KCNH7: variants seen among roughly 807,000 people sequenced by gnomAD.
The protein encoded by KCNH7 is voltage-gated inwardly rectifying potassium channel KCNH7.
In KCNH7, 49 loss-of-function variants were observed where a neutral mutation model predicts 120.8. That is an observed-to-expected ratio of 0.41 (90% CI 0.32 to 0.51). KCNH7 has a LOEUF of 0.51. KCNH7 is among the 20% of genes least tolerant of loss of function. The pLI is 0.38. For synonymous variants in KCNH7, 547 were observed against 516.1 expected, an observed-to-expected ratio of 1.06 and a Z score of -0.81; for missense variants, 1,097 against 1,446.6, an observed-to-expected ratio of 0.76 and a Z score of 3.92.
In KCNH7 at chr2:162,542,248, T is replaced by TTTA. The variant is rs753436221; in HGVS notation, c.308-5171_308-5169dup. Among the ~76,000 whole-genome samples, 95 of 151,234 alleles carry TTTA rather than the reference T, an allele frequency of 6.3e-4. 1 individual carries two copies. The highest frequency in any genetic ancestry group is 3.2e-3 in the Admixed American group (49 of 15,150). ...TTTTTTTTTCTTTGATGAGCTTCTTTTTATTATTATTATTATTATACTTTA... is the reference window on the plus strand; with the variant it reads ...TTTTTTTTTCTTTGATGAGCTTCTTTTTATTATTATTATTATTATTATACTTTA... On this transcript the variant is annotated intron_variant, in intron 2 of 15. Coordinates refer to ENST00000332142, the MANE Select transcript of KCNH7 (RefSeq NM_033272.4).
chr2:162,536,410 A>G (rs1559000685), intron 3 of KCNH7, among the ~76,000 whole-genome samples: 1 of 152,000 alleles, frequency 6.6e-6, no homozygotes, highest in African/African-American at 2.4e-5. Context: ...TAATGACAAT[A>G]GTTGAGAAAA....
At chr2:162,776,432 T>A (rs1467909188) in intron 2 of KCNH7, among the ~76,000 whole-genome samples, 2 of 152,092 alleles carry the variant, frequency 1.3e-5, no homozygotes, top group Non-Finnish European at 2.9e-5. Flanking sequence ...CATATTGATT[T>A]GAAGACTGTA....
chr2:162,574,576 T>G (rs991254053), intron 2 of KCNH7, among the ~76,000 whole-genome samples: 8 of 152,100 alleles, frequency 5.3e-5, no homozygotes, highest in Non-Finnish European at 1.2e-4. Flanking sequence ...CAAGAGTTTT[T>G]GGGTTTTCAT....
intron 6 of KCNH7, among the ~76,000 whole-genome samples, chr2:162,471,058 A>T (rs908265734): frequency 6.6e-6 from 1 of 152,024 alleles, no homozygotes; most frequent in Non-Finnish European, 1.5e-5. Flanking sequence ...CATGCTTGTT[A>T]AGAGTCATCA....
At chr2:162,550,017 A>G (rs1364554688) in intron 2 of KCNH7, among the ~76,000 whole-genome samples, 1 of 152,206 alleles carries the variant, frequency 6.6e-6, no homozygotes, top group Non-Finnish European at 1.5e-5. Flanking sequence ...TGCGTGGAGT[A>G]TATGGAAGGC....
intron 8 of KCNH7, among the ~76,000 whole-genome samples, chr2:162,431,237 A>T (rs1688055861): frequency 6.6e-6 from 1 of 152,042 alleles, no homozygotes; most frequent in African/African-American, 2.4e-5. Flanking sequence ...TAGAATAAAG[A>T]TTAGAGTTAA....
intron 7 of KCNH7, among the ~76,000 whole-genome samples, chr2:162,442,794 T>A (rs966103451): frequency 6.6e-6 from 1 of 152,138 alleles, no homozygotes; most frequent in African/African-American, 2.4e-5. Context: ...AGGCAGAGGC[T>A]GCATTGAGCT....
intron 2 of KCNH7, among the ~76,000 whole-genome samples, chr2:162,826,813 C>T (rs1340336929): frequency 2.6e-5 from 4 of 151,988 alleles, no homozygotes; most frequent in African/African-American, 9.7e-5. Flanking sequence ...GAAAGACAGA[C>T]ATAGAAACAA....
intron 2 of KCNH7, among the ~76,000 whole-genome samples, chr2:162,683,772 A>G (rs1296274918): frequency 2.6e-5 from 4 of 152,090 alleles, no homozygotes; most frequent in Non-Finnish European, 1.5e-5. Context: ...TTGAATGCCC[A>G]AAGTAATTTA....
At chr2:162,689,384 T>C (rs1427313419) in intron 2 of KCNH7, among the ~76,000 whole-genome samples, 1 of 152,040 alleles carries the variant, frequency 6.6e-6, no homozygotes. Context: ...ACTCTTGACC[T>C]CAGGTGATCC....
chr2:162,609,552 T>C (rs1182702479), intron 2 of KCNH7, among the ~76,000 whole-genome samples: 1 of 152,148 alleles, frequency 6.6e-6, no homozygotes, highest in Non-Finnish European at 1.5e-5. Flanking sequence ...AACCTTTTTA[T>C]TGATATTGCT....
At chr2:162,689,832 A>T (rs1310436630) in intron 2 of KCNH7, among the ~76,000 whole-genome samples, 2 of 152,140 alleles carry the variant, frequency 1.3e-5, no homozygotes, top group Non-Finnish European at 2.9e-5. Context: ...AGAGAAGCCC[A>T]AATAACAGAA....
chr2:162,542,555 C>A lies in KCNH7; in HGVS notation c.308-5475G>T, dbSNP rs374770583. 1.6e-4 allele frequency among the ~76,000 whole-genome samples: 24 copies of A among 151,936 alleles called. No homozygotes were observed. In the East Asian group the frequency reaches 4.5e-3, roughly 28 times the overall value. ...TGAGAATGATGATTTCCAATTTCAT[C>A]CATGTCCCTACAAAGGACATGGACT... On this transcript the variant is annotated intron_variant, in intron 2 of 15. Transcript: ENST00000332142.
chr2:162,560,247 C>G (rs1340161855), intron 2 of KCNH7, among the ~76,000 whole-genome samples: 1 of 152,190 alleles, frequency 6.6e-6, no homozygotes, highest in African/African-American at 2.4e-5. Flanking sequence ...ATTTCTGAAG[C>G]ATTTTTCTGC....
intron 2 of KCNH7, among the ~76,000 whole-genome samples, chr2:162,825,347 G>A (rs908891122): frequency 3.2e-4 from 48 of 151,676 alleles, no homozygotes; most frequent in African/African-American, 1.1e-3. Flanking sequence ...AATAAAATTT[G>A]AATTACAAAA....
At chr2:162,615,953 T>C (rs899370663) in intron 2 of KCNH7, among the ~76,000 whole-genome samples, 1 of 152,226 alleles carries the variant, frequency 6.6e-6, no homozygotes, top group Non-Finnish European at 1.5e-5. Context: ...TATTTCTCAC[T>C]AAATTAGAAG....
At chr2:162,526,396 A>T (rs1691705570) in intron 3 of KCNH7, among the ~76,000 whole-genome samples, 3 of 150,650 alleles carry the variant, frequency 2.0e-5, no homozygotes, top group Admixed American at 1.3e-4. Flanking sequence ...AATTTATTAG[A>T]CGGGAATTTC....
intron 9 of KCNH7, among the ~76,000 whole-genome samples, chr2:162,409,981 A>G (rs1209275193): frequency 1.3e-5 from 2 of 152,114 alleles, no homozygotes; most frequent in African/African-American, 2.4e-5. Flanking sequence ...GGAAGTATAA[A>G]TATTGTTAAA....
chr2:162,389,048 A>G (rs947015663), intron 12 of KCNH7, among the ~76,000 whole-genome samples: 4 of 152,010 alleles, frequency 2.6e-5, no homozygotes, highest in African/African-American at 4.8e-5. Context: ...ATCTGCGTCC[A>G]ATCTTTCACC....
Sources: gnomAD v4.1 joint callset for allele counts (sites outside exome capture counted in the v4.1 genomes callset) on GRCh38, gnomAD v4.1.1 for gene constraint, MANE v1.5 for transcripts, NCBI Gene and HGNC (gene_info 2026-07-23, HGNC 2026-07-21) for gene names.